The following FARS2 variants were observed in gnomAD, a reference collection of about 807,000 sequenced individuals.
FARS2 encodes phenylalanyl-tRNA synthetase 2, mitochondrial, also known as phenylalanine--tRNA ligase, mitochondrial.
FARS2 carries 40 observed loss-of-function variants against 46.4 expected under a neutral mutation model. That is an observed-to-expected ratio of 0.86 (90% CI 0.67 to 1.12). FARS2 has a LOEUF of 1.12. Ranked by LOEUF, FARS2 falls within the 50% of genes most tolerant of loss-of-function variation. FARS2 has a pLI of 0.00. For synonymous variants in FARS2, 234 were observed against 214.9 expected (o/e 1.09, Z -0.78); for missense variants, 513 against 567.9 (o/e 0.90, Z 0.98).
chr6:5,747,752 G>A (rs953332714), intron 6 of FARS2, among the ~76,000 whole-genome samples: 4 of 152,200 alleles, frequency 2.6e-5, no homozygotes, highest in African/African-American at 9.7e-5. Context: ...TTGAGAGCTG[G>A]AAGGACAGAG....
intron 5 of FARS2, among the ~76,000 whole-genome samples, chr6:5,556,676 TAAGAAAGAAAGA>T (rs60141468): frequency 2.0e-5 from 3 of 150,642 alleles, no homozygotes; most frequent in East Asian, 1.9e-4. Context: ...ATTAAGTTAC[TAAGAAAGAAAGA>T]AAGAAAGAAA....
At chr6:5,541,084 T>C (rs1475601044) in intron 4 of FARS2, among the ~76,000 whole-genome samples, 3 of 152,178 alleles carry the variant, frequency 2.0e-5, no homozygotes, top group African/African-American at 7.2e-5. Context: ...TGTAAGAGTT[T>C]GCTATGGAAC....
intron 4 of FARS2, among the ~76,000 whole-genome samples, chr6:5,542,940 A>C (rs1194980215): frequency 6.6e-6 from 1 of 152,072 alleles, no homozygotes; most frequent in South Asian, 2.1e-4. Flanking sequence ...TGGACATAGA[A>C]CTTTTTTTGT....
intron 4 of FARS2, among the ~76,000 whole-genome samples, chr6:5,532,024 C>T (rs1008745904): frequency 6.6e-6 from 1 of 152,216 alleles, no homozygotes; most frequent in African/African-American, 2.4e-5. Context: ...GTGTATATTA[C>T]AGTCAAATCT....
At chr6:5,264,985 T>C (rs1765457277) in intron 1 of FARS2, among the ~76,000 whole-genome samples, 1 of 151,284 alleles carries the variant, frequency 6.6e-6, no homozygotes, top group Admixed American at 6.6e-5. Flanking sequence ...TTTTTTTTTT[T>C]GTAGAGATGA....
intron 3 of FARS2, among the ~76,000 whole-genome samples, chr6:5,415,234 C>A (rs1276958217): frequency 6.6e-6 from 1 of 150,870 alleles, no homozygotes; most frequent in East Asian, 1.9e-4. Flanking sequence ...TTGTTATAGT[C>A]ATTGTAATTT....
chr6:5,251,314 C>A, the FARS2 span, among the ~76,000 whole-genome samples: 2 of 152,104 alleles, frequency 1.3e-5, no homozygotes, highest in Admixed American at 1.3e-4. Context: ...CTTGTTAATA[C>A]TATTCATATT....
intron 4 of FARS2, among the ~76,000 whole-genome samples, chr6:5,444,936 G>A (rs1764098409): frequency 6.6e-6 from 1 of 152,220 alleles, no homozygotes; most frequent in Non-Finnish European, 1.5e-5. Flanking sequence ...GCCACCAGCT[G>A]GGCTGGAGAT....
At chr6:5,609,947 C>T (rs1775077586) in intron 5 of FARS2, 12 of 1,271,408 alleles carry the variant, frequency 9.4e-6, no homozygotes, top group Admixed American at 3.4e-5. Flanking sequence ...CTCTTTGGTT[C>T]CACAACTCTT....
intron 4 of FARS2, among the ~76,000 whole-genome samples, chr6:5,445,723 C>T (rs1293591381): frequency 6.6e-6 from 1 of 152,016 alleles, no homozygotes; most frequent in African/African-American, 2.4e-5. Context: ...GGGAGTGTGC[C>T]GTATTTTCCA....
At chr6:5,692,192 G>C (rs952277673) in intron 6 of FARS2, among the ~76,000 whole-genome samples, 3 of 152,184 alleles carry the variant, frequency 2.0e-5, no homozygotes, top group African/African-American at 7.2e-5. Flanking sequence ...TGCACCCACT[G>C]TTCTGCACCC....
chr6:5,489,087 G>C (rs527795465), intron 4 of FARS2, among the ~76,000 whole-genome samples: 2 of 152,128 alleles, frequency 1.3e-5, no homozygotes, highest in Non-Finnish European at 2.9e-5. Flanking sequence ...AAATGATAGA[G>C]TGAAAATGAA....
At chr6:5,324,388 C>A (rs960158156) in intron 1 of FARS2, among the ~76,000 whole-genome samples, 5 of 149,770 alleles carry the variant, frequency 3.3e-5, no homozygotes, top group African/African-American at 1.2e-4. Context: ...TCCTTACTTG[C>A]CAATTACTGG....
At chr6:5,253,061 A>C in the FARS2 span, among the ~76,000 whole-genome samples, 1 of 152,192 alleles carries the variant, frequency 6.6e-6, no homozygotes, top group South Asian at 2.1e-4. Context: ...CTTCTTTAGG[A>C]GCTTGTAATG....
intron 6 of FARS2, among the ~76,000 whole-genome samples, chr6:5,646,184 T>C (rs1777064604): frequency 6.6e-6 from 1 of 152,174 alleles, no homozygotes; most frequent in Non-Finnish European, 1.5e-5. Flanking sequence ...TTGCTTGAGG[T>C]CACCGTGTGT....
At chr6:5,544,106 C>T (rs1384567408) in intron 4 of FARS2, among the ~76,000 whole-genome samples, 5 of 145,254 alleles carry the variant, frequency 3.4e-5, no homozygotes, top group Admixed American at 2.0e-4. Context: ...TTTGTTCCGT[C>T]CCACTGTAGA....
chr6:5,486,645 A>G (rs1191660362), intron 4 of FARS2, among the ~76,000 whole-genome samples: 1 of 152,170 alleles, frequency 6.6e-6, no homozygotes, highest in African/African-American at 2.4e-5. Context: ...GAACAACAGG[A>G]CTTTTAAAAT....
At chr6:5,511,086 G>A (rs1768422834) in intron 4 of FARS2, among the ~76,000 whole-genome samples, 1 of 152,160 alleles carries the variant, frequency 6.6e-6, no homozygotes, top group Non-Finnish European at 1.5e-5. Context: ...AGGCCAGATG[G>A]CACAAGTGTC....
At chr6:5,274,786 C>T (rs77559821) in intron 1 of FARS2, among the ~76,000 whole-genome samples, 2 of 152,172 alleles carry the variant, frequency 1.3e-5, no homozygotes, top group Admixed American at 6.5e-5. Flanking sequence ...TCATGGCTCA[C>T]TGCAGCCTCC....
Sources: gnomAD v4.1 joint callset for allele counts (sites outside exome capture counted in the v4.1 genomes callset) on GRCh38, gnomAD v4.1.1 for gene constraint, MANE v1.5 for transcripts, NCBI Gene and HGNC (gene_info 2026-07-23, HGNC 2026-07-21) for gene names.